FRYL: variants seen among roughly 807,000 people sequenced by gnomAD.
FRYL encodes protein furry homolog-like.
FRYL carries 150 observed loss-of-function variants against 351.2 expected under a neutral mutation model. The observed-to-expected ratio is 0.43, with a 90% confidence interval of 0.37 to 0.49. FRYL has a LOEUF of 0.49. FRYL is among the 20% of genes least tolerant of loss of function. The pLI, the probability that FRYL is intolerant of heterozygous loss-of-function variation, is 0.00. For synonymous variants in FRYL, 1,153 were observed against 1,257.1 expected, an observed-to-expected ratio of 0.92 and a Z score of 1.75; for missense variants, 3,036 against 3,619.3, an observed-to-expected ratio of 0.84 and a Z score of 4.13.
chr4:48,747,107 G>A (rs1772764635), intron 1 of FRYL, among the ~76,000 whole-genome samples: 1 of 152,130 alleles, frequency 6.6e-6, no homozygotes, highest in African/African-American at 2.4e-5. Context: ...AGATTGGGGA[G>A]AGAAGATTAG....
intron 1 of FRYL, among the ~76,000 whole-genome samples, chr4:48,731,465 T>G (rs902920338): frequency 6.6e-6 from 1 of 152,158 alleles, no homozygotes; most frequent in Non-Finnish European, 1.5e-5. Flanking sequence ...AAAAAGAGCC[T>G]GCATAGCCAA....
rs538876992 is a variant in FRYL, at chr4:48,653,695, T to C, written c.-80-19205A>G. 2.7e-5 allele frequency: 34 copies of C among 1,280,904 alleles called. No individual in the cohort carries two copies. The Admixed American group carries it at 5.4e-4, about 20-fold the overall frequency. The allele number at this position is 1,280,904 out of a possible 1,614,324, so 79.3% of individuals were successfully genotyped here. ...TAATACCTCAGCATTTTTTTTTTCA[T>C]GTAGGAATATATACTTACAGCTGCT... On this transcript the variant is annotated intron_variant, in intron 3 of 63. Transcript: ENST00000358350.
rs1232346467 is a variant in FRYL, at chr4:48,567,995, G to A, written c.2997-575C>T. 6.6e-6 allele frequency among the ~76,000 whole-genome samples: 1 copy of A among 152,226 alleles called. No individual in the cohort carries two copies. The highest frequency in any genetic ancestry group is 2.4e-5 in the African/African-American group (1 of 41,454). ...GAATATCTGCAATGTGCTGGGCGCG[G>A]TGGCTCACACCTGTAATGCCAGCAC... On this transcript the variant is annotated intron_variant, in intron 27 of 63. Transcript: ENST00000358350. The surrounding 1 kb of genome is among the most constrained non-coding windows in gnomAD (Gnocchi z 4.2).
intron 1 of FRYL, among the ~76,000 whole-genome samples, chr4:48,754,909 T>C (rs1773623395): frequency 6.6e-6 from 1 of 152,180 alleles, no homozygotes; most frequent in Non-Finnish European, 1.5e-5. Flanking sequence ...CCAAAAGTGC[T>C]GGGATTACAG....
intron 4 of FRYL, among the ~76,000 whole-genome samples, chr4:48,632,092 A>ATATATATATATATG: frequency 1.0e-4 from 1 of 9,994 alleles, no homozygotes; most frequent in South Asian, 5.0e-3. Flanking sequence ...AAAAAAAAAA[A>ATATATATATATATG]TATATATATA....
At position 48,557,584 on chromosome 4, in the gene FRYL, C is replaced by T. The variant is rs1182710434; in HGVS notation, c.3994G>A (p.Glu1332Lys). Residue 1332 changes from glutamate to lysine, a missense_variant, in exon 34 of 64, where the codon GAA (glutamate) becomes AAA (lysine). Glu to Lys is a moderately conservative substitution (Grantham distance 56, BLOSUM62 1). Coordinates refer to ENST00000358350, the MANE Select transcript of FRYL (RefSeq NM_015030.2). ...TCTTTTAAGGAATCATCTTCATCTTCATCATGTCGCCTTGCTGTGGGGAGA... is the reference window on the plus strand; with the variant it reads ...TCTTTTAAGGAATCATCTTCATCTTTATCATGTCGCCTTGCTGTGGGGAGA... ...KPLPTARRHDEDEDDSLKDRE... is the reference protein window; with the variant it reads ...KPLPTARRHDKDEDDSLKDRE... The T allele has an allele frequency of 6.2e-7, 1 of 1,614,162 alleles. No individual in the cohort carries two copies. The highest frequency in any genetic ancestry group is 8.5e-7 in the Non-Finnish European group (1 of 1,180,024).
At chr4:48,579,857 G>A (rs1254883104) in intron 22 of FRYL, among the ~76,000 whole-genome samples, 1 of 151,978 alleles carries the variant, frequency 6.6e-6, no homozygotes, top group East Asian at 1.9e-4. Context: ...ATAACTAGAA[G>A]AGAGGCTTTT....
At chr4:48,768,583 T>A (rs958861450) in intron 1 of FRYL, among the ~76,000 whole-genome samples, 31 of 151,980 alleles carry the variant, frequency 2.0e-4, no homozygotes, top group African/African-American at 7.0e-4. Flanking sequence ...GGTAGGCAGA[T>A]AACAAGGTCA....
chr4:48,683,166 A>G (rs1283066630), intron 3 of FRYL, among the ~76,000 whole-genome samples: 1 of 152,066 alleles, frequency 6.6e-6, no homozygotes, highest in African/African-American at 2.4e-5. Flanking sequence ...AACTAACACA[A>G]GAACAGAAAA....
intron 47 of FRYL, among the ~76,000 whole-genome samples, chr4:48,538,728 T>A (rs559434733): frequency 6.6e-6 from 1 of 152,178 alleles, no homozygotes; most frequent in Non-Finnish European, 1.5e-5. Context: ...CTTTTTTTTT[T>A]TCTCCTGGTG....
At chr4:48,610,623 T>C (rs563127850) in intron 7 of FRYL, among the ~76,000 whole-genome samples, 17 of 147,578 alleles carry the variant, frequency 1.2e-4, no homozygotes, top group Admixed American at 3.4e-4. Flanking sequence ...TATATACATA[T>C]TGAAATATGT....
At chr4:48,530,844 A>C (rs1727407203) in intron 50 of FRYL, among the ~76,000 whole-genome samples, 1 of 152,158 alleles carries the variant, frequency 6.6e-6, no homozygotes. Flanking sequence ...TAGATGCTAC[A>C]TACTCCCCTA....
chr4:48,652,979 T>C (rs1758035377), intron 3 of FRYL, among the ~76,000 whole-genome samples: 1 of 152,164 alleles, frequency 6.6e-6, no homozygotes, highest in South Asian at 2.1e-4. Flanking sequence ...ATTCATGAGT[T>C]TGATATTGTA....
intron 3 of FRYL, among the ~76,000 whole-genome samples, chr4:48,657,470 C>T (rs1320198672): frequency 6.7e-6 from 1 of 149,736 alleles, no homozygotes; most frequent in East Asian, 2.0e-4. Context: ...GAGTTTTCTA[C>T]CCTTAACCTG....
chr4:48,546,899 A>C (rs1731482665), intron 41 of FRYL: 1 of 152,430 alleles, frequency 6.6e-6, no homozygotes, highest in African/African-American at 2.4e-5. Context: ...TTGTTTCCTA[A>C]CTATAGGATT....
chr4:48,738,067 A>G (rs1215062645), intron 1 of FRYL, among the ~76,000 whole-genome samples: 1 of 152,190 alleles, frequency 6.6e-6, no homozygotes, highest in Non-Finnish European at 1.5e-5. Context: ...TGTCCCCTCA[A>G]TACTCCTTTT....
In FRYL at chr4:48,553,247, G is replaced by A. The variant is rs1369605440; in HGVS notation, c.4403C>T (p.Thr1468Ile). Residue 1468 changes from threonine to isoleucine, a missense_variant, in exon 36 of 64, where the codon ACT becomes ATT. Coordinates refer to ENST00000358350, the MANE Select transcript of FRYL (RefSeq NM_015030.2). ...GACAGAAGGGATTTTATAGCTGGAA[G>A]TGATGCGATAATACGGGGGATTATC... The part of the protein sequence containing the change: ...HMDNPPYYRI[T>I]SSYKIPSVTS... The A allele has an allele frequency of 2.5e-6, 4 of 1,612,902 alleles. No individual in the cohort carries two copies. The African/African-American group carries it at 5.3e-5, about 22-fold the overall frequency.
At chr4:48,705,735 T>C (rs1275338882) in intron 2 of FRYL, among the ~76,000 whole-genome samples, 1 of 152,188 alleles carries the variant, frequency 6.6e-6, no homozygotes, top group Non-Finnish European at 1.5e-5. Flanking sequence ...GGCATAACTA[T>C]ACAGAGAACA....
At chr4:48,742,984 T>A (rs1242065023) in intron 1 of FRYL, among the ~76,000 whole-genome samples, 22 of 138,594 alleles carry the variant, frequency 1.6e-4, no homozygotes, top group South Asian at 9.6e-4. Context: ...TTTTTTTTTT[T>A]TTTTTTTTTT....
Sources: allele counts gnomAD v4.1 joint callset (sites outside exome capture counted in the v4.1 genomes callset), GRCh38; gene constraint gnomAD v4.1.1; non-coding constraint Gnocchi (gnomAD v3.1); transcripts MANE v1.5; gene names NCBI Gene and HGNC (gene_info 2026-07-23, HGNC 2026-07-21).